The following IQGAP2 variants were observed in gnomAD, a reference collection of about 807,000 sequenced individuals.
IQGAP2 encodes the protein IQ motif containing GTPase activating protein 2, also known as ras GTPase-activating-like protein IQGAP2.
In IQGAP2, 173 loss-of-function variants were observed where a neutral mutation model predicts 201.3. The observed-to-expected ratio is 0.86, with a 90% CI of 0.76 to 0.98. The LOEUF (loss-of-function observed/expected upper bound fraction) is 0.98. Among genes scored for constraint, IQGAP2 ranks in the 50% least tolerant of loss-of-function variants. The pLI is 0.00. For missense variants in IQGAP2, 1,687 were observed against 1,864.8 expected, an observed-to-expected ratio of 0.90 and a Z score of 1.76; for synonymous variants, 675 against 673.9, an observed-to-expected ratio of 1.00 and a Z score of -0.03.
intron 1 of IQGAP2, among the ~76,000 whole-genome samples, chr5:76,424,827 C>T (rs1022359276): frequency 2.6e-5 from 4 of 152,158 alleles, no homozygotes; most frequent in African/African-American, 9.7e-5. Context: ...AATTGTAGTA[C>T]CTGCCTGATG....
At chr5:76,583,045 G>T (rs182771717) in intron 5 of IQGAP2, among the ~76,000 whole-genome samples, 1 of 152,144 alleles carries the variant, frequency 6.6e-6, no homozygotes, top group South Asian at 2.1e-4. Flanking sequence ...AGAAGCAAAG[G>T]TGACATTAAT....
At chr5:76,546,458 T>G (rs1743101757) in intron 2 of IQGAP2, among the ~76,000 whole-genome samples, 1 of 152,026 alleles carries the variant, frequency 6.6e-6, no homozygotes. Flanking sequence ...AATACACCAC[T>G]TTTTATTTGT....
At chr5:76,677,521 C>G in intron 28 of IQGAP2, 171 bp downstream of exon 28, 1 of 454,248 alleles carries the variant, frequency 2.2e-6, no homozygotes, top group Non-Finnish European at 3.7e-6. Context: ...ATTAATAAAA[C>G]TCCTTCTCCC....
intron 28 of IQGAP2, among the ~76,000 whole-genome samples, chr5:76,681,510 T>A (rs182695759): frequency 6.7e-6 from 1 of 150,104 alleles, no homozygotes; most frequent in Non-Finnish European, 1.5e-5. Context: ...TCACACCCAG[T>A]AGGATGATTA....
chr5:76,654,453 G>C (rs762161530), intron 19 of IQGAP2, among the ~76,000 whole-genome samples, 182 bp downstream of exon 19: 4 of 152,208 alleles, frequency 2.6e-5, no homozygotes, highest in Non-Finnish European at 4.4e-5. Flanking sequence ...AAATCATGTT[G>C]AGAGTTAGAC....
chr5:76,666,584 C>A (rs1432489107), intron 22 of IQGAP2, among the ~76,000 whole-genome samples: 1 of 152,182 alleles, frequency 6.6e-6, no homozygotes, highest in Non-Finnish European at 1.5e-5. Context: ...AATGTACAAC[C>A]AAAGGGTGCA....
At chr5:76,560,273 C>T (rs1744269144) in intron 2 of IQGAP2, among the ~76,000 whole-genome samples, 1 of 151,924 alleles carries the variant, frequency 6.6e-6, no homozygotes, top group African/African-American at 2.4e-5. Flanking sequence ...CTACCTCAAC[C>T]CCCTGAGTAA....
At chr5:76,495,739 G>A (rs1756855145) in intron 2 of IQGAP2, among the ~76,000 whole-genome samples, 1 of 152,180 alleles carries the variant, frequency 6.6e-6, no homozygotes, top group Admixed American at 6.5e-5. Context: ...GGTAGCCTGT[G>A]TACCACATGG....
intron 14 of IQGAP2, among the ~76,000 whole-genome samples, chr5:76,629,639 CT>C (rs1380911196): frequency 6.6e-6 from 1 of 152,070 alleles, no homozygotes; most frequent in Non-Finnish European, 1.5e-5. Context: ...TTTTGTATAC[CT>C]GTTTATGTGC....
chr5:76,430,619 G>A (rs946985801), intron 1 of IQGAP2, among the ~76,000 whole-genome samples: 3 of 152,144 alleles, frequency 2.0e-5, no homozygotes, highest in African/African-American at 4.8e-5. Flanking sequence ...GCTATTGCAC[G>A]TCTCCCCAGA....
chr5:76,430,474 C>T (rs2150090953), intron 1 of IQGAP2, among the ~76,000 whole-genome samples: 1 of 152,304 alleles, frequency 6.6e-6, no homozygotes, highest in South Asian at 2.1e-4. Context: ...GCTGGCTTCC[C>T]AAGTGGGAGG....
intron 1 of IQGAP2, among the ~76,000 whole-genome samples, chr5:76,458,961 G>T (rs1158672746): frequency 6.6e-6 from 1 of 152,134 alleles, no homozygotes; most frequent in African/African-American, 2.4e-5. Context: ...TCTTCTAGGA[G>T]TTTACTGTTA....
intron 13 of IQGAP2, among the ~76,000 whole-genome samples, chr5:76,620,507 A>G (rs1749545368): frequency 6.6e-6 from 1 of 152,164 alleles, no homozygotes; most frequent in Admixed American, 6.6e-5. Context: ...GAGAAGCTAC[A>G]ATCTGTTTTT....
intron 1 of IQGAP2, among the ~76,000 whole-genome samples, chr5:76,438,833 T>G (rs1338979694): frequency 6.6e-6 from 1 of 152,238 alleles, no homozygotes; most frequent in Non-Finnish European, 1.5e-5. Context: ...TGCTTATCTT[T>G]TCAATGAAAT....
intron 12 of IQGAP2, among the ~76,000 whole-genome samples, chr5:76,610,658 A>T (rs1054699460): frequency 6.6e-6 from 1 of 152,056 alleles, no homozygotes; most frequent in East Asian, 1.9e-4. Flanking sequence ...TTTCCATCTT[A>T]ACAATACTAA....
chr5:76,683,796 A>G lies in IQGAP2; in HGVS notation c.3784A>G (p.Asn1262Asp), dbSNP rs1745509461. ...TACAGGGGAAGGAGCAGTTGACCCC[A>G]ATGACCCTAACAAGGCAAATACACT... ...SFLGEGAVDP[N>D]DPNKANTLSQ... Residue 1262 changes from asparagine (N) to aspartate (D), a missense_variant, in exon 30 of 36, where the codon AAT becomes GAT. By Grantham distance (23) the Asn-to-Asp change is conservative. Transcript: ENST00000274364. 1.2e-6 allele frequency: 2 copies of G among 1,612,480 alleles called. No individual in the cohort carries two copies. Among genetic ancestry groups the G allele is most frequent in the African/African-American group, 2.7e-5 (2 of 74,910 alleles).
At chr5:76,643,811 T>A (rs1167737290) in intron 17 of IQGAP2, among the ~76,000 whole-genome samples, 1 of 152,138 alleles carries the variant, frequency 6.6e-6, no homozygotes, top group Non-Finnish European at 1.5e-5. Context: ...TGAAGGAACT[T>A]CACTTCGCCA....
chr5:76,493,080 G>A (rs1756659432), intron 2 of IQGAP2, among the ~76,000 whole-genome samples: 1 of 152,288 alleles, frequency 6.6e-6, no homozygotes, highest in East Asian at 1.9e-4. Context: ...CCCTGATGCT[G>A]TCAACTTCAG....
intron 1 of IQGAP2, chr5:76,404,654 T>A (rs1750697511): frequency 5.3e-6 from 1 of 187,974 alleles, no homozygotes; most frequent in Admixed American, 6.5e-5. Flanking sequence ...CCTCAACTTG[T>A]GTAGGTTCTT....
Sources: gnomAD v4.1 joint callset for allele counts (sites outside exome capture counted in the v4.1 genomes callset) on GRCh38, gnomAD v4.1.1 for gene constraint, MANE v1.5 for transcripts, NCBI Gene and HGNC (gene_info 2026-07-23, HGNC 2026-07-21) for gene names.